The following WDR38 variants were observed in gnomAD, a reference collection of about 807,000 sequenced individuals.
The protein encoded by WDR38 is WD repeat domain 38.
Under a neutral mutation model 36.6 loss-of-function variants are expected in WDR38, and 37 were observed. That is an observed-to-expected ratio of 1.01 (90% CI 0.78 to 1.33). WDR38 has a LOEUF of 1.33. WDR38 is among the 40% of genes most tolerant of loss of function. The pLI is 0.00. For synonymous variants in WDR38, 164 were observed against 168.1 expected, an observed-to-expected ratio of 0.98 and a Z score of 0.19; for missense variants, 411 against 414.6, an observed-to-expected ratio of 0.99 and a Z score of 0.07.
chr9:124,854,163 G>T (rs773779440), intron 1 of WDR38, 42 bp from the exon 2 acceptor site: 4 of 1,612,170 alleles, frequency 2.5e-6, no homozygotes, highest in African/African-American at 1.3e-5. Context: ...AGCGGACAGG[G>T]GTTTCTTCCC....
Position 124,855,889 on chromosome 9 carries a change from C to T in WDR38, c.336C>T (p.Ser112=). ...ACCAACGGAGTGTGGAGACGGTCAG[C>T]TTCAGCCCTGACTCGAGACAGCTGG... The part of the protein sequence containing the change: ...KGHQRSVETV[S]FSPDSRQLAS... The change falls in exon 4 of 9, where the codon AGC becomes AGT. Residue 112 remains serine, a synonymous_variant. Coordinates refer to ENST00000373574, the MANE Select transcript of WDR38 (RefSeq NM_001045476.3). The T allele has an allele frequency of 6.2e-7, 1 of 1,614,168 alleles. No individual in the cohort carries two copies. The highest frequency in any genetic ancestry group is 8.5e-7 in the Non-Finnish European group (1 of 1,180,010).
At position 124,856,326 on chromosome 9, in the gene WDR38, C is replaced by A. The variant is rs1393762492; in HGVS notation, c.486+6C>A. 2 of 1,614,140 alleles carry A rather than the reference C, an allele frequency of 1.2e-6. No homozygotes were observed. Among genetic ancestry groups the A allele is most frequent in the African/African-American group, 1.3e-5 (1 of 75,060 alleles). On this transcript the variant is annotated splice_donor_region_variant and intron_variant, in intron 5 of 8. Transcript: ENST00000373574. The stretch of plus-strand genomic sequence containing the variant: ...CACCCACGGTGAACTGCCTGGTGAG[C>A]CTACCCTCTGCCCTGGGCCCCACCT...
In WDR38 at chr9:124,857,616, G is replaced by T. The variant is rs187401841; in HGVS notation, c.931G>T (p.Asp311Tyr). The T allele has an allele frequency of 6.2e-7, 1 of 1,613,934 alleles. No individual in the cohort carries two copies. The highest frequency in any genetic ancestry group is 8.5e-7 in the Non-Finnish European group (1 of 1,179,954). Reference sequence around the variant, plus strand: ...ATCCCGCACGTCCAAATCACCCAGGGACCCTCAAACCTAACACCAACCACC... The same window carrying T: ...ATCCCGCACGTCCAAATCACCCAGGTACCCTCAAACCTAACACCAACCACC... ...QISRTSKSPR[D>Y]PQT is the part of the protein sequence containing the mutation. The change falls in exon 9 of 9, where the codon GAC (aspartate) becomes TAC (tyrosine). Residue 311 changes from aspartate (D) to tyrosine (Y), a missense_variant. Physicochemically the swap from Asp to Tyr is radical, Grantham distance 160. Transcript: ENST00000373574.
Position 124,857,538 on chromosome 9 carries a change from C to G in WDR38, c.853C>G (p.Pro285Ala). ...LDVAHTCAFT[P>A]DGKILVSGAA... The stretch of plus-strand genomic sequence containing the variant: ...TGTGGCCCACACCTGTGCCTTCACC[C>G]CAGATGGGAAAATCTTAGTGTCTGG... Residue 285 changes from proline (P) to alanine (A), a missense_variant, in exon 9 of 9, where the codon CCA becomes GCA. Coordinates refer to ENST00000373574, the MANE Select transcript of WDR38 (RefSeq NM_001045476.3). The G allele has an allele frequency of 6.2e-7, 1 of 1,614,176 alleles. No individual in the cohort carries two copies. The highest frequency in any genetic ancestry group is 8.5e-7 in the Non-Finnish European group (1 of 1,180,028).
rs767184079 is a variant in WDR38 at position 124,856,733 on chromosome 9, C to T, written c.620C>T (p.Ala207Val). The T allele has an allele frequency of 7.4e-6, 12 of 1,614,108 alleles. No individual in the cohort carries two copies. The highest frequency in any genetic ancestry group is 1.1e-5 in the South Asian group (1 of 91,090). Residue 207 changes from alanine (A) to valine (V), a missense_variant and splice_region_variant, in exon 7 of 9, where the codon GCA (alanine) becomes GTA (valine). Physicochemically the swap from Ala to Val is moderately conservative, Grantham distance 64 (BLOSUM62 0). Transcript: ENST00000373574. The stretch of plus-strand genomic sequence containing the variant: ...GGATCAGAGCTGTCTGCTGTCCAGG[C>T]ATCCGGCTCCTGGGACAAGACCATC... The part of the protein sequence containing the change: ...CLCYSASGLL[A>V]SGSWDKTIHI...
At chr9:124,856,053 T>C in intron 4 of WDR38, 95 bp downstream of exon 4, 4 of 1,554,332 alleles carry the variant, frequency 2.6e-6, no homozygotes, top group Non-Finnish European at 3.5e-6. Flanking sequence ...AACCCTCCAC[T>C]GGTTCCCATG....
chr9:124,854,316 G>A lies in WDR38; in HGVS notation c.181G>A (p.Gly61Ser). ...TGGGCAGCTGCTGTGGAGGCTGGGT[G>A]GCCACACAGGTGGGGCTCCCACACC... ...RSGQLLWRLG[G>S]HTGPVKFCRF... The change falls in exon 2 of 9, where the codon GGC (glycine) becomes AGC (serine). Residue 61 changes from glycine (G) to serine (S), a missense_variant. Physicochemically the swap from Gly to Ser is moderately conservative, Grantham distance 56 (BLOSUM62 0). Coordinates refer to ENST00000373574, the MANE Select transcript of WDR38 (RefSeq NM_001045476.3). 6.2e-7 allele frequency: 1 copy of A among 1,613,796 alleles called. No individual in the cohort carries two copies. Among genetic ancestry groups the A allele is most frequent in the Middle Eastern group, 1.6e-4 (1 of 6,062 alleles).
At chr9:124,857,271 C>G in intron 7 of WDR38, 93 bp from the exon 8 acceptor site, 1 of 1,516,404 alleles carries the variant, frequency 6.6e-7, no homozygotes, top group Non-Finnish European at 9.1e-7. Flanking sequence ...GGCGAAGACT[C>G]ATCTCATATT....
Position 124,857,818 on chromosome 9 carries a change from C to T in WDR38, c.*188C>T, listed in dbSNP as rs1220199093. The T allele has an allele frequency of 1.3e-6, 2 of 1,545,342 alleles. No homozygotes were observed. The highest frequency in any genetic ancestry group is 2.7e-5 in the African/African-American group (2 of 73,562). On this transcript the variant is annotated 3_prime_UTR_variant, in exon 9 of 9. Coordinates refer to ENST00000373574, the MANE Select transcript of WDR38 (RefSeq NM_001045476.3). ...ACGCTTGCTGGAACCCATCAGACAC[C>T]TGGTCCCCAAAACCAGACCCACCCA...
At chr9:124,856,011 G>A (rs1429452784) in intron 4 of WDR38, 53 bp downstream of exon 4, 2 of 1,608,770 alleles carry the variant, frequency 1.2e-6, no homozygotes, top group African/African-American at 2.7e-5. Context: ...CAGTTCCAGA[G>A]AGGATGTCAC....
rs764298400 is a variant in WDR38, at chr9:124,857,469, C to T, written c.817-33C>T. On this transcript the variant is annotated intron_variant, in intron 8 of 8. Transcript: ENST00000373574. ...GTGGACAGCTTCTCCCAAGGCAGGA[C>T]TTGCCTCGAGCCCCACCTTCTACTC... 5.0e-6 allele frequency: 8 copies of T among 1,614,080 alleles called. No individual in the cohort carries two copies. In the Admixed American group the frequency reaches 1.2e-4, roughly 24 times the overall value.
chr9:124,857,469 C>A (rs764298400), intron 8 of WDR38, 33 bp from the exon 9 acceptor site: 2 of 1,614,198 alleles, frequency 1.2e-6, no homozygotes, highest in East Asian at 4.5e-5. Context: ...CAAGGCAGGA[C>A]TTGCCTCGAG....
chr9:124,854,088 AG>A, intron 1 of WDR38, 116 bp from the exon 2 acceptor site: 1 of 1,504,850 alleles, frequency 6.6e-7, no homozygotes, highest in Non-Finnish European at 9.0e-7. Context: ...CTGGTGGTGG[AG>A]TGAGGCTTGA....
chr9:124,856,981 A>C, intron 7 of WDR38, 100 bp downstream of exon 7: 1 of 1,543,378 alleles, frequency 6.5e-7, no homozygotes, highest in Non-Finnish European at 8.8e-7. Context: ...CACTTGCCCT[A>C]GCTAGGAGGG....
chr9:124,854,205 G>C lies in WDR38; in HGVS notation c.70G>C (p.Val24Leu), dbSNP rs1342038793. The change falls in exon 2 of 9, where the codon GTC becomes CTC. Residue 24 changes from valine to leucine, a missense_variant and splice_region_variant. By Grantham distance (32) the Val-to-Leu change is conservative (BLOSUM62 1). Coordinates refer to ENST00000373574, the MANE Select transcript of WDR38 (RefSeq NM_001045476.3). ...GGGACCGCTTTTGTGCTGTTTCTAG[G>C]TCAACTCTTCTGCCTTCTCCCCTGA... ...VKFFGQHGGE[V>L]NSSAFSPDGQ... 1 of 1,614,030 alleles carries C rather than the reference G, an allele frequency of 6.2e-7. No homozygotes were observed. Among genetic ancestry groups the C allele is most frequent in the Non-Finnish European group, 8.5e-7 (1 of 1,179,948 alleles).
At chr9:124,855,600 G>A (rs1232105522) in intron 2 of WDR38, 34 bp from the exon 3 acceptor site, 2 of 1,590,214 alleles carry the variant, frequency 1.3e-6, no homozygotes, top group East Asian at 2.2e-5. Context: ...GTGGCGGGCA[G>A]TGCTCTGTCC....
chr9:124,856,477 C>T lies in WDR38; in HGVS notation c.495C>T (p.Gly165=), dbSNP rs759635352. The change falls in exon 6 of 9, where the codon GGC becomes GGT. Residue 165 remains glycine (G), a synonymous_variant. Coordinates refer to ENST00000373574, the MANE Select transcript of WDR38 (RefSeq NM_001045476.3). ...ACAGAAGCTGCCTGCAGGCCACCGG[C>T]TCCTGGGACTCCACCGTACACATCT... ...FSPTVNCLAT[G]SWDSTVHIWD... is the part of the protein sequence containing the mutation. 1 of 1,612,036 alleles carries T rather than the reference C, an allele frequency of 6.2e-7. No homozygotes were observed. Among genetic ancestry groups the T allele is most frequent in the African/African-American group, 1.3e-5 (1 of 74,892 alleles).
At chr9:124,855,434 T>G (rs1045621387) in intron 2 of WDR38, among the ~76,000 whole-genome samples, 200 bp from the exon 3 acceptor site, 7 of 152,196 alleles carry the variant, frequency 4.6e-5, no homozygotes, top group Non-Finnish European at 1.0e-4. Flanking sequence ...GGATTGATTT[T>G]TCAGATGAGC....
rs1829035901 is a variant in WDR38 at position 124,855,697 on chromosome 9, G to A, written c.254G>A (p.Cys85Tyr). 1.2e-6 allele frequency: 2 copies of A among 1,613,210 alleles called. No homozygotes were observed. The highest frequency in any genetic ancestry group is 1.7e-6 in the Non-Finnish European group (2 of 1,180,038). ...CTCTTCGCCAGCGCCTCCTGTGACT[G>A]CACTGTCCGCCTGTGGGATGTGGCA... ...GHLFASASCD[C>Y]TVRLWDVARA... The change falls in exon 3 of 9, where the codon TGC becomes TAC. Residue 85 changes from cysteine (C) to tyrosine (Y), a missense_variant. Cys to Tyr is a radical substitution (Grantham distance 194). Coordinates refer to ENST00000373574, the MANE Select transcript of WDR38 (RefSeq NM_001045476.3).
Sources: gnomAD v4.1 joint callset for allele counts (sites outside exome capture counted in the v4.1 genomes callset) on GRCh38, gnomAD v4.1.1 for gene constraint, MANE v1.5 for transcripts, NCBI Gene and HGNC (gene_info 2026-07-23, HGNC 2026-07-21) for gene names.